The following CFTR variants were observed in gnomAD, a reference collection of about 807,000 sequenced individuals.
The protein encoded by CFTR is cystic fibrosis transmembrane conductance regulator.
In CFTR, 181 loss-of-function variants were observed where a neutral mutation model predicts 171.6. The observed-to-expected ratio is 1.05, with a 90% confidence interval of 0.93 to 1.19. The LOEUF is 1.19. Ranked by LOEUF, CFTR falls within the 50% of genes most tolerant of loss-of-function variation. CFTR has a pLI of 0.00. For missense variants in CFTR, 1,968 were observed against 1,734.7 expected, an observed-to-expected ratio of 1.13 and a Z score of -2.39; for synonymous variants, 583 against 608.0, an observed-to-expected ratio of 0.96 and a Z score of 0.60.
intron 7 of CFTR, among the ~76,000 whole-genome samples, chr7:117,537,289 G>A (rs1798973592): frequency 6.6e-6 from 1 of 152,130 alleles, no homozygotes; most frequent in Non-Finnish European, 1.5e-5. Flanking sequence ...ACCTTTCACT[G>A]ATTAGTAAAG....
chr7:117,611,884 G>C, intron 20 of CFTR, 76 bp downstream of exon 20: 1 of 972,322 alleles, frequency 1.0e-6, no homozygotes, highest in Non-Finnish European at 1.6e-6. Context: ...CATTCTATAG[G>C]TTATCAATTT....
At chr7:117,597,568 T>G (rs1408974464) in intron 15 of CFTR, among the ~76,000 whole-genome samples, 1 of 152,244 alleles carries the variant, frequency 6.6e-6, no homozygotes, top group South Asian at 2.1e-4. Flanking sequence ...AAAATTGTTC[T>G]CTTATTCAAA....
In CFTR at chr7:117,627,616, C is replaced by T. The variant is rs1036123285; in HGVS notation, c.3563C>T (p.Ser1188Leu). ...AAACCATACAAGAATGGCCAACTCTCGAAAGTTATGATTATTGAGAATTCA... is the reference window on the plus strand; with the variant it reads ...AAACCATACAAGAATGGCCAACTCTTGAAAGTTATGATTATTGAGAATTCA... Reference protein sequence around the residue: ...STKPYKNGQLSKVMIIENSHV... With the variant: ...STKPYKNGQLLKVMIIENSHV... Residue 1188 changes from serine (S) to leucine (L), a missense_variant, in exon 22 of 27, where the codon TCG becomes TTG. Physicochemically the swap from Ser to Leu is moderately radical, Grantham distance 145. Transcript: ENST00000003084. 6.8e-6 allele frequency: 11 copies of T among 1,613,392 alleles called. No homozygotes were observed. Among genetic ancestry groups the T allele is most frequent in the Admixed American group, 1.7e-5 (1 of 59,946 alleles).
chr7:117,632,732 C>T (rs1166236939), intron 22 of CFTR, among the ~76,000 whole-genome samples: 1 of 152,032 alleles, frequency 6.6e-6, no homozygotes, highest in Admixed American at 6.6e-5. Flanking sequence ...AAAGCAAGAG[C>T]ACTGCTCTGT....
intron 1 of CFTR, among the ~76,000 whole-genome samples, chr7:117,482,232 G>T (rs1014766058): frequency 5.2e-4 from 79 of 152,210 alleles, no homozygotes; most frequent in Non-Finnish European, 3.8e-4. Context: ...ATTGTATGTT[G>T]TTAAATGCCT....
chr7:117,490,239 TATG>T (rs1322574352), intron 1 of CFTR, among the ~76,000 whole-genome samples: 3 of 151,472 alleles, frequency 2.0e-5, no homozygotes, highest in Non-Finnish European at 4.4e-5. Context: ...ACAGTATTAT[TATG>T]ATATCAAAAA....
At position 117,592,114 on chromosome 7, in the gene CFTR, T is replaced by C. The variant is rs781329459; in HGVS notation, c.1947T>C (p.Ser649=). The part of the protein sequence containing the change: ...DFSSKLMGCD[S]FDQFSAERRN... ...GCTCAAAACTCATGGGATGTGATTC[T>C]TTCGACCAATTTAGTGCAGAAAGAA... The change falls in exon 14 of 27, where the codon TCT becomes TCC. Residue 649 remains serine, a synonymous_variant. Coordinates refer to ENST00000003084, the MANE Select transcript of CFTR (RefSeq NM_000492.4). 1 of 1,614,096 alleles carries C rather than the reference T, an allele frequency of 6.2e-7. No homozygotes were observed. Among genetic ancestry groups the C allele is most frequent in the East Asian group, 2.2e-5 (1 of 44,868 alleles).
chr7:117,572,766 G>A (rs1791713867), intron 11 of CFTR, among the ~76,000 whole-genome samples: 2 of 152,050 alleles, frequency 1.3e-5, no homozygotes, highest in African/African-American at 4.8e-5. Context: ...TAATAACAAT[G>A]ACACTAACCA....
chr7:117,544,677 C>T (rs1799109972), intron 9 of CFTR, among the ~76,000 whole-genome samples: 1 of 152,222 alleles, frequency 6.6e-6, no homozygotes, highest in South Asian at 2.1e-4. Flanking sequence ...GACTCCTTCT[C>T]ATGTTTAAAT....
chr7:117,567,239 A>C (rs1344197336), intron 11 of CFTR, among the ~76,000 whole-genome samples: 1 of 152,240 alleles, frequency 6.6e-6, no homozygotes, highest in Non-Finnish European at 1.5e-5. Flanking sequence ...TAATTTAAGG[A>C]GGTCAAGAGA....
In CFTR at chr7:117,548,777, A is replaced by G. The variant is rs1293018753; in HGVS notation, c.1346A>G (p.Glu449Gly). 1.7e-5 allele frequency: 27 copies of G among 1,612,500 alleles called. No individual in the cohort carries two copies. Among genetic ancestry groups the G allele is most frequent in the Non-Finnish European group, 2.2e-5 (26 of 1,179,168 alleles). Residue 449 changes from glutamate to glycine, a missense_variant, in exon 10 of 27, where the codon GAA (glutamate) becomes GGA (glycine). Transcript: ENST00000003084. The part of the protein sequence containing the change: ...PVLKDINFKI[E>G]RGQLLAVAGS... ...CTGAAAGATATTAATTTCAAGATAG[A>G]AAGAGGACAGTTGTTGGCGGTTGCT... is the stretch of plus-strand genomic sequence containing the variant.
At chr7:117,500,002 T>G (rs1285969450) in intron 1 of CFTR, among the ~76,000 whole-genome samples, 1 of 152,072 alleles carries the variant, frequency 6.6e-6, no homozygotes, top group African/African-American at 2.4e-5. Flanking sequence ...GTTTATTGCT[T>G]TTTGGTTATT....
At chr7:117,540,933 T>C (rs1387809289) in intron 8 of CFTR, among the ~76,000 whole-genome samples, 2 of 152,066 alleles carry the variant, frequency 1.3e-5, no homozygotes, top group Admixed American at 6.6e-5. Flanking sequence ...AATTGGGAGA[T>C]GTCTCACACA....
intron 3 of CFTR, among the ~76,000 whole-genome samples, chr7:117,528,015 T>C (rs1167105519): frequency 1.6e-5 from 2 of 125,828 alleles, no homozygotes. Context: ...AAAAAACTAC[T>C]TTAAAGTTCA....
At chr7:117,641,442 A>G (rs1003592343) in intron 22 of CFTR, among the ~76,000 whole-genome samples, 1 of 152,236 alleles carries the variant, frequency 6.6e-6, no homozygotes, top group African/African-American at 2.4e-5. Context: ...GTCCTTCACT[A>G]CAGATTGAAA....
At chr7:117,664,594 A>C in intron 24 of CFTR, 94 bp from the exon 25 acceptor site, 1 of 1,194,168 alleles carries the variant, frequency 8.4e-7, no homozygotes, top group Non-Finnish European at 1.2e-6. Context: ...TATGAAAAAC[A>C]TAAGCTTTCA....
At chr7:117,530,757 T>C in intron 3 of CFTR, 142 bp from the exon 4 acceptor site, 1 of 668,330 alleles carries the variant, frequency 1.5e-6, no homozygotes, top group East Asian at 2.7e-5. Context: ...AAAATAGTGC[T>C]AAGAGTTTCA....
At chr7:117,652,792 AAGTT>A in intron 23 of CFTR, 46 bp from the exon 24 acceptor site, 1 of 903,592 alleles carries the variant, frequency 1.1e-6, no homozygotes. Flanking sequence ...GAAAAATAAA[AAGTT>A]ATTTAAGTTA....
At chr7:117,588,481 C>G (rs1290056802) in intron 12 of CFTR, among the ~76,000 whole-genome samples, 1 of 152,084 alleles carries the variant, frequency 6.6e-6, no homozygotes, top group East Asian at 1.9e-4. Flanking sequence ...ATTGGTGACT[C>G]TGATGTCAAA....
Sources: allele counts gnomAD v4.1 joint callset (sites outside exome capture counted in the v4.1 genomes callset), GRCh38; gene constraint gnomAD v4.1.1; transcripts MANE v1.5; gene names NCBI Gene and HGNC (gene_info 2026-07-23, HGNC 2026-07-21).